The following ANKMY1 variants were observed in gnomAD, a reference collection of about 807,000 sequenced individuals.
ANKMY1 encodes the protein ankyrin repeat and MYND domain-containing protein 1.
A neutral mutation model predicts 102.0 loss-of-function variants in ANKMY1; 98 were observed. The observed-to-expected ratio is 0.96, with a 90% confidence interval of 0.82 to 1.14. ANKMY1 has a LOEUF of 1.14. ANKMY1 is among the 50% of genes most tolerant of loss of function. ANKMY1 has a pLI of 0.00. For synonymous variants in ANKMY1, 582 were observed against 559.9 expected, an observed-to-expected ratio of 1.04 and a Z score of -0.56; for missense variants, 1,330 against 1,347.6, an observed-to-expected ratio of 0.99 and a Z score of 0.20.
rs868473879 is a variant in ANKMY1, at chr2:240,552,978, C to T, written c.416G>A (p.Gly139Asp). Residue 139 changes from glycine (G) to aspartate (D), a missense_variant, in exon 4 of 18, where the codon GGC becomes GAC. Coordinates refer to ENST00000401804, the MANE Select transcript of ANKMY1 (RefSeq NM_001282771.3). ...TTCTCGGTGGCTGAGGTAAAATGTG[C>T]CCGTGAAACTGGAGCCATCTGGCCA... ...YMWPDGSSFT[G>D]TFYLSHREGY... 1 of 1,612,486 alleles carries T rather than the reference C, an allele frequency of 6.2e-7. No homozygotes were observed. The highest frequency in any genetic ancestry group is 8.5e-7 in the Non-Finnish European group (1 of 1,179,496).
chr2:240,556,276 G>A (rs1283404908), intron 2 of ANKMY1, among the ~76,000 whole-genome samples: 1 of 152,164 alleles, frequency 6.6e-6, no homozygotes, highest in Admixed American at 6.5e-5. Context: ...AGCCACAAGA[G>A]GCCTCTGAGG....
chr2:240,501,956 T>C (rs1574984726), intron 13 of ANKMY1, among the ~76,000 whole-genome samples: 3 of 152,190 alleles, frequency 2.0e-5, no homozygotes, highest in Admixed American at 2.0e-4. Flanking sequence ...GCGGAAGCCA[T>C]GATAACTTGC....
chr2:240,543,971 G>T (rs1372592095), intron 4 of ANKMY1, among the ~76,000 whole-genome samples: 1 of 152,124 alleles, frequency 6.6e-6, no homozygotes, highest in Non-Finnish European at 1.5e-5. Context: ...AATAAAAGTT[G>T]TAGTTAATTA....
At chr2:240,556,291 A>G (rs929571719) in intron 2 of ANKMY1, among the ~76,000 whole-genome samples, 12 of 152,174 alleles carry the variant, frequency 7.9e-5, no homozygotes. Flanking sequence ...CTGAGGAGGA[A>G]AGCCTCCTAA....
chr2:240,500,788 G>A (rs948391320), intron 13 of ANKMY1, among the ~76,000 whole-genome samples: 16 of 152,176 alleles, frequency 1.1e-4, no homozygotes, highest in Admixed American at 5.2e-4. Flanking sequence ...ATGTCACAGC[G>A]AAGTCAAGGC....
chr2:240,498,745 G>T (rs563078678), intron 15 of ANKMY1, among the ~76,000 whole-genome samples: 1 of 152,184 alleles, frequency 6.6e-6, no homozygotes, highest in South Asian at 2.1e-4. Flanking sequence ...TCGTGGAGAT[G>T]GATCCCTCAT....
At chr2:240,473,422 A>T in the ANKMY1 span, among the ~76,000 whole-genome samples, 1 of 151,664 alleles carries the variant, frequency 6.6e-6, no homozygotes, top group Non-Finnish European at 1.5e-5. Flanking sequence ...ACTCGATCAT[A>T]CAGAAGAAAG....
At chr2:240,512,567 T>A (rs983424820) in intron 10 of ANKMY1, among the ~76,000 whole-genome samples, 1 of 152,234 alleles carries the variant, frequency 6.6e-6, no homozygotes, top group Non-Finnish European at 1.5e-5. Flanking sequence ...ACTGCCTGAA[T>A]AATCAAGTTC....
At position 240,512,808 on chromosome 2, in the gene ANKMY1, G is replaced by A. The variant is rs751983961; in HGVS notation, c.2139C>T (p.Pro713=). ...KASDEDDTYK[P]GKLDLLPSSL... ...CAGGTCGCGAGGTACACACCTTGCC[G>A]GGCTTGTAAGTGTCGTCCTCGTCGG... Residue 713 remains proline (P), a synonymous_variant, in exon 10 of 18, where the codon CCC becomes CCT. Coordinates refer to ENST00000401804, the MANE Select transcript of ANKMY1 (RefSeq NM_001282771.3). The A allele has an allele frequency of 7.4e-6, 12 of 1,613,710 alleles. No individual in the cohort carries two copies. Among genetic ancestry groups the A allele is most frequent in the Admixed American group, 6.7e-5 (4 of 59,972 alleles).
intron 8 of ANKMY1, chr2:240,522,085 C>A (rs996782125): frequency 2.6e-5 from 4 of 152,232 alleles, no homozygotes; most frequent in Non-Finnish European, 5.9e-5. Context: ...CCACATCCTG[C>A]TGACTGGTCC....
chr2:240,510,525 CTT>C (rs1286286274), intron 11 of ANKMY1, among the ~76,000 whole-genome samples: 1 of 152,204 alleles, frequency 6.6e-6, no homozygotes, highest in Non-Finnish European at 1.5e-5. Context: ...TGCAGGGACT[CTT>C]CTCTGGCCCA....
At chr2:240,511,720 T>C (rs1355330353) in intron 11 of ANKMY1, 141 bp downstream of exon 11, 1 of 1,136,320 alleles carries the variant, frequency 8.8e-7, no homozygotes, top group Non-Finnish European at 1.2e-6. Context: ...CTTGCCTTGC[T>C]TCCCTCCCCA....
intron 13 of ANKMY1, among the ~76,000 whole-genome samples, chr2:240,502,257 G>A (rs1015905010): frequency 1.3e-5 from 2 of 151,328 alleles, no homozygotes; most frequent in Non-Finnish European, 2.9e-5. Context: ...GCTCTGCCAG[G>A]GCAGTGATGC....
At chr2:240,526,726 T>C in intron 5 of ANKMY1, 1 of 1,347,944 alleles carries the variant, frequency 7.4e-7, no homozygotes, top group Non-Finnish European at 9.6e-7. Flanking sequence ...TCCATGCATC[T>C]CTGATTCATC....
chr2:240,531,728 G>A (rs1001836986), intron 4 of ANKMY1, among the ~76,000 whole-genome samples: 1 of 152,188 alleles, frequency 6.6e-6, no homozygotes, highest in Non-Finnish European at 1.5e-5. Flanking sequence ...TGGCTAGAGG[G>A]TGGAGGTAGG....
At chr2:240,528,601 G>A (rs2084455514) in intron 5 of ANKMY1, among the ~76,000 whole-genome samples, 1 of 152,070 alleles carries the variant, frequency 6.6e-6, no homozygotes. Context: ...CAGGGCACTA[G>A]CTATGGCCTG....
At chr2:240,541,749 G>T (rs1248884130) in intron 4 of ANKMY1, among the ~76,000 whole-genome samples, 1 of 151,928 alleles carries the variant, frequency 6.6e-6, no homozygotes, top group Non-Finnish European at 1.5e-5. Flanking sequence ...TGATCCACCT[G>T]CCTCGGCCTT....
intron 4 of ANKMY1, among the ~76,000 whole-genome samples, chr2:240,550,098 A>G (rs2091223839): frequency 6.6e-6 from 1 of 151,900 alleles, no homozygotes; most frequent in African/African-American, 2.4e-5. Context: ...TCACAATAGC[A>G]AAGACTTGGA....
upstream of ANKMY1, chr2:240,560,845 A>AGCAGCCCGGCCC (rs2092921737): frequency 7.2e-7 from 1 of 1,395,324 alleles, no homozygotes; most frequent in Non-Finnish European, 9.2e-7. Context: ...GTCTCCCGCC[A>AGCAGCCCGGCCC]GCAGCCCGGC....
Sources: allele counts gnomAD v4.1 joint callset (sites outside exome capture counted in the v4.1 genomes callset), GRCh38; gene constraint gnomAD v4.1.1; transcripts MANE v1.5; gene names NCBI Gene and HGNC (gene_info 2026-07-23, HGNC 2026-07-21).